Variants in NAV2 observed in about 807,000 individuals in gnomAD.
NAV2 encodes neuron navigator 2.
In NAV2, 54 loss-of-function variants were observed where a neutral mutation model predicts 223.2. The observed-to-expected ratio is 0.24, with a 90% CI of 0.19 to 0.30. The LOEUF (loss-of-function observed/expected upper bound fraction) is 0.30, where lower values mean the gene tolerates loss of function less well. Ranked by LOEUF, NAV2 falls within the 10% of genes least tolerant of loss-of-function variation. The pLI is 1.00. For missense variants in NAV2, 2,806 were observed against 3,147.5 expected (o/e 0.89, Z 2.60); for synonymous variants, 1,279 against 1,239.3 (o/e 1.03, Z -0.67).
chr11:19,539,775 ACT>A (rs1436851668), intron 1 of NAV2, among the ~76,000 whole-genome samples: 9 of 152,050 alleles, frequency 5.9e-5, no homozygotes, highest in South Asian at 2.1e-4. Context: ...AATCAGTCCT[ACT>A]CTCTGAAAAG....
intron 1 of NAV2, among the ~76,000 whole-genome samples, chr11:19,682,063 T>G (rs10833157): frequency 1.3e-5 from 2 of 152,118 alleles, no homozygotes; most frequent in East Asian, 1.9e-4. Flanking sequence ...GGCTGCCCAC[T>G]ACCACCAGAG....
chr11:20,119,187 T>A lies in NAV2; in HGVS notation c.*929T>A, dbSNP rs1306770391. On this transcript the variant is annotated 3_prime_UTR_variant, in exon 38 of 38. Coordinates refer to ENST00000349880, the MANE Select transcript of NAV2 (RefSeq NM_145117.5). ...TTCTGATGCATTGATTTTTGAAGAT[T>A]TTTTTTTCCCCCTTCCCCTCTTGGT... 7.0e-6 allele frequency: 1 copy of A among 142,166 alleles called. No homozygotes were observed. The highest frequency in any genetic ancestry group is 2.5e-5 in the African/African-American group (1 of 39,522). 8.8% of individuals were successfully genotyped at this position (142,166 alleles called of 1,614,324 possible). A position where few individuals can be genotyped will look rare whatever the true frequency, so the allele number is the denominator to read the frequency against.
At chr11:19,756,924 T>C (rs548882053) in intron 1 of NAV2, among the ~76,000 whole-genome samples, 80 of 152,240 alleles carry the variant, frequency 5.3e-4, no homozygotes, top group African/African-American at 1.8e-3. Flanking sequence ...CAAGGCCTGG[T>C]CAGGCCACCT....
At chr11:19,745,712 T>C (rs982853524) in intron 1 of NAV2, among the ~76,000 whole-genome samples, 1 of 152,176 alleles carries the variant, frequency 6.6e-6, no homozygotes, top group Non-Finnish European at 1.5e-5. Flanking sequence ...TAGATTCTCA[T>C]AAGGAGTGTG....
Position 19,946,574 on chromosome 11 carries a change from A to C in NAV2, c.2255+65A>C, listed in dbSNP as rs570750559. 267 of 1,382,294 alleles carry C rather than the reference A, an allele frequency of 1.9e-4. 1 individual carries two copies. Among genetic ancestry groups the C allele is most frequent in the Middle Eastern group, 1.2e-3 (7 of 5,654 alleles). 85.6% of individuals were successfully genotyped at this position (1,382,294 alleles called of 1,614,324 possible). A position where few individuals can be genotyped will look rare whatever the true frequency, so the allele number is the denominator to read the frequency against. ...TCCTAATTTTCTCCTGTGTTTGTTC[A>C]TAGCAGTAGCAAAGCGATTTGGTTA... On this transcript the variant is annotated intron_variant, in intron 9 of 37. Coordinates refer to ENST00000349880, the MANE Select transcript of NAV2 (RefSeq NM_145117.5).
chr11:20,067,153 G>C (rs554321305), intron 20 of NAV2, among the ~76,000 whole-genome samples: 19 of 152,312 alleles, frequency 1.2e-4, no homozygotes, highest in African/African-American at 4.1e-4. Flanking sequence ...AGGGTCACAG[G>C]TAATTGGGGT....
intron 15 of NAV2, 125 bp downstream of exon 15, chr11:20,049,320 C>A: frequency 1.3e-6 from 1 of 755,178 alleles, no homozygotes; most frequent in African/African-American, 1.8e-5. Context: ...CTAATTACTG[C>A]TGTCTTTCAT....
At chr11:19,492,290 A>G (rs566943332) in intron 1 of NAV2, among the ~76,000 whole-genome samples, 1 of 152,162 alleles carries the variant, frequency 6.6e-6, no homozygotes, top group Admixed American at 6.6e-5. Flanking sequence ...TTAAAAAAAA[A>G]AAAACTCAAT....
intron 1 of NAV2, among the ~76,000 whole-genome samples, chr11:19,586,476 T>A (rs1019514359): frequency 6.6e-6 from 1 of 152,208 alleles, no homozygotes; most frequent in Non-Finnish European, 1.5e-5. Flanking sequence ...AGTTTCCAGT[T>A]TTTCTGCTCT....
At chr11:19,348,554 C>G (rs560380261), upstream of NAV2, among the ~76,000 whole-genome samples, 1 of 152,136 alleles carries the variant, frequency 6.6e-6, no homozygotes, top group Non-Finnish European at 1.5e-5. Context: ...TGTCTCATCT[C>G]GAATACAAAG....
chr11:19,641,065 G>T (rs2047649856), intron 1 of NAV2, among the ~76,000 whole-genome samples: 1 of 152,150 alleles, frequency 6.6e-6, no homozygotes, highest in South Asian at 2.1e-4. Context: ...CCAAAAGAAA[G>T]CTTTCCAGAG....
In NAV2 at chr11:19,662,546, C is replaced by T. The variant is rs147498476; in HGVS notation, c.76-169938C>T. Among the ~76,000 whole-genome samples, 47 of 152,368 alleles carry T rather than the reference C, an allele frequency of 3.1e-4. No homozygotes were observed. The East Asian group carries it at 6.6e-3, about 21-fold the overall frequency. On this transcript the variant is annotated intron_variant, in intron 1 of 37. Coordinates refer to the NAV2 transcript ENST00000360655. ...GAATCCATGTGGGTCCCATGCCCCA[C>T]GTGTTCTTCCATTCCTGCTAACCAC...
intron 9 of NAV2, among the ~76,000 whole-genome samples, chr11:19,947,473 T>A (rs960510787): frequency 6.6e-6 from 1 of 152,216 alleles, no homozygotes; most frequent in African/African-American, 2.4e-5. Context: ...ACTCTACCAT[T>A]AGGTGTGAAA....
At chr11:19,582,259 A>G (rs1244183289) in intron 1 of NAV2, among the ~76,000 whole-genome samples, 1 of 152,026 alleles carries the variant, frequency 6.6e-6, no homozygotes, top group Non-Finnish European at 1.5e-5. Context: ...TAGATTCTGG[A>G]TATTAGCCCT....
At chr11:19,791,336 C>T (rs1046091766) in intron 1 of NAV2, among the ~76,000 whole-genome samples, 1 of 152,156 alleles carries the variant, frequency 6.6e-6, no homozygotes, top group Admixed American at 6.5e-5. Flanking sequence ...CCTCCCCTTC[C>T]CTATCCAGCC....
At chr11:19,682,337 T>C (rs560588129) in intron 1 of NAV2, among the ~76,000 whole-genome samples, 2 of 152,318 alleles carry the variant, frequency 1.3e-5, no homozygotes, top group African/African-American at 2.4e-5. Flanking sequence ...CCAATTGTTA[T>C]CCTACTTAAC....
intron 1 of NAV2, among the ~76,000 whole-genome samples, chr11:19,746,468 G>T (rs1226969467): frequency 6.6e-6 from 1 of 152,090 alleles, no homozygotes; most frequent in Admixed American, 6.5e-5. Context: ...GAATTAGACT[G>T]CCCAGCATTA....
At chr11:19,468,447 G>A (rs1185181757) in intron 1 of NAV2, among the ~76,000 whole-genome samples, 2 of 152,112 alleles carry the variant, frequency 1.3e-5, no homozygotes, top group Non-Finnish European at 2.9e-5. Context: ...TTTGGCTTGT[G>A]ACAACATCAC....
intron 20 of NAV2, 117 bp downstream of exon 20, chr11:20,062,476 G>T: frequency 4.0e-6 from 3 of 743,156 alleles, no homozygotes; most frequent in South Asian, 2.0e-5. Context: ...ATTATAAGGG[G>T]ATCAATTAAT....
Sources: allele counts gnomAD v4.1 joint callset (sites outside exome capture counted in the v4.1 genomes callset), GRCh38; gene constraint gnomAD v4.1.1; transcripts MANE v1.5; gene names NCBI Gene and HGNC (gene_info 2026-07-23, HGNC 2026-07-21).